STAU1: variants seen among roughly 807,000 people sequenced by gnomAD.
The protein encoded by STAU1 is double-stranded RNA-binding protein Staufen homolog 1.
In STAU1, 13 loss-of-function variants were observed where a neutral mutation model predicts 62.9. That is an observed-to-expected ratio of 0.21 (90% CI 0.13 to 0.33). The LOEUF (loss-of-function observed/expected upper bound fraction) is 0.33. Ranked by LOEUF, STAU1 falls within the 10% of genes least tolerant of loss-of-function variation. The pLI, the probability that STAU1 is intolerant of heterozygous loss-of-function variation, is 1.00. For synonymous variants in STAU1, 269 were observed against 265.1 expected (o/e 1.01, Z -0.14); for missense variants, 571 against 712.1 (o/e 0.80, Z 2.25).
chr20:49,158,282 C>T (rs1381315375), intron 3 of STAU1, among the ~76,000 whole-genome samples: 2 of 151,692 alleles, frequency 1.3e-5, no homozygotes, highest in Non-Finnish European at 2.9e-5. Flanking sequence ...AAAACTCCGT[C>T]TCAAAAAAAG....
chr20:49,163,378 C>T (rs1266949048), intron 3 of STAU1, among the ~76,000 whole-genome samples: 3 of 128,250 alleles, frequency 2.3e-5, no homozygotes, highest in Admixed American at 7.7e-5. Context: ...GCCTTAGTTT[C>T]TTGTCTATAA....
chr20:49,125,508 C>T (rs553849786), intron 6 of STAU1, among the ~76,000 whole-genome samples: 4 of 129,828 alleles, frequency 3.1e-5, no homozygotes, highest in Admixed American at 1.8e-4. Context: ...CCAGCCTAAG[C>T]GATAGAGTAA....
chr20:49,117,719 G>A lies in STAU1; in HGVS notation c.1509+58C>T. 6.6e-7 allele frequency: 1 copy of A among 1,506,012 alleles called. No individual in the cohort carries two copies. The highest frequency in any genetic ancestry group is 1.3e-5 in the South Asian group (1 of 77,164). 93.3% of individuals were successfully genotyped at this position (1,506,012 alleles called of 1,614,324 possible). ...AAAGTTCAAAGTTCATTTTCTGAGA[G>A]AAGCCAAAAGATGACTGTCCTGAGG... On this transcript the variant is annotated intron_variant, in intron 11 of 13. Coordinates refer to ENST00000371856, the MANE Select transcript of STAU1 (RefSeq NM_017453.4). This position sits in a 1 kb window ranked among gnomAD's most constrained non-coding sequence, Gnocchi z 4.6.
rs1037614917 is a variant in STAU1 at position 49,117,974 on chromosome 20, C to T, written c.1312G>A (p.Asp438Asn). The change falls in exon 11 of 14, where the codon GAT becomes AAT. Residue 438 changes from aspartate (D) to asparagine (N), a missense_variant. Physicochemically the swap from Asp to Asn is conservative, Grantham distance 23. Transcript: ENST00000371856. The surrounding 1 kb of genome is among the most constrained non-coding windows in gnomAD (Gnocchi z 4.6). Reference protein sequence around the residue: ...VGVSQGHHTKDFTRAAPNPAK... With the variant: ...VGVSQGHHTKNFTRAAPNPAK... The stretch of plus-strand genomic sequence containing the variant: ...GGATTCGGAGCTGCCCTGGTAAAAT[C>T]TTTGGTGTGATGTCCTTGACTAACT... The T allele has an allele frequency of 6.2e-7, 1 of 1,614,182 alleles. No individual in the cohort carries two copies. The highest frequency in any genetic ancestry group is 8.5e-7 in the Non-Finnish European group (1 of 1,180,020).
chr20:49,118,196 T>C (rs1568816313), intron 10 of STAU1, 100 bp from the exon 11 acceptor site: 1 of 1,399,680 alleles, frequency 7.1e-7, no homozygotes, highest in Non-Finnish European at 1.0e-6. Flanking sequence ...TTGGCACGCA[T>C]GGCAGCGCAG....
chr20:49,116,838 T>G (rs2092338856), intron 12 of STAU1, among the ~76,000 whole-genome samples: 1 of 152,084 alleles, frequency 6.6e-6, no homozygotes, highest in Admixed American at 6.6e-5. Flanking sequence ...ATGAAGTGAG[T>G]GCAGTCTCTG....
At chr20:49,153,086 T>C (rs1276212785) in intron 4 of STAU1, among the ~76,000 whole-genome samples, 1 of 150,892 alleles carries the variant, frequency 6.6e-6, no homozygotes, top group Non-Finnish European at 1.5e-5. Flanking sequence ...CCGTCTCTAC[T>C]AAAAATACAA....
At chr20:49,127,727 A>G (rs1418790500) in intron 6 of STAU1, among the ~76,000 whole-genome samples, 3 of 151,496 alleles carry the variant, frequency 2.0e-5, no homozygotes, top group African/African-American at 7.3e-5. Flanking sequence ...AAACTAAAAA[A>G]GGGGCCAGGC....
chr20:49,137,917 T>C (rs2092925039), intron 5 of STAU1, among the ~76,000 whole-genome samples: 1 of 148,480 alleles, frequency 6.7e-6, no homozygotes, highest in African/African-American at 2.5e-5. Context: ...TGACTTCAGG[T>C]GATCCGCCCA....
Position 49,185,868 on chromosome 20 carries a change from T to C in STAU1, c.-160+2248A>G, listed in dbSNP as rs563188187. 1.9e-4 allele frequency among the ~76,000 whole-genome samples: 29 copies of C among 152,220 alleles called. No homozygotes were observed. The South Asian group carries it at 5.4e-3, about 28-fold the overall frequency. On this transcript the variant is annotated intron_variant, in intron 1 of 13. Coordinates refer to ENST00000371856, the MANE Select transcript of STAU1 (RefSeq NM_017453.4). ...TACTGCTTGTATAGTTGTTTGCTTA[T>C]GTGTTTTTTTTGTTTTGTTTTTTTG...
At chr20:49,207,772 G>A in the STAU1 span, among the ~76,000 whole-genome samples, 5 of 151,984 alleles carry the variant, frequency 3.3e-5, no homozygotes, top group African/African-American at 9.7e-5. Context: ...CACCCATCTC[G>A]GCCTCCCAAA....
At chr20:49,163,301 C>CT (rs533231364) in intron 3 of STAU1, among the ~76,000 whole-genome samples, 12 of 150,630 alleles carry the variant, frequency 8.0e-5, no homozygotes, top group Admixed American at 6.0e-4. Flanking sequence ...TCCCCACTCC[C>CT]TTTTTTTTTC....
Position 49,114,744 on chromosome 20 carries a change from G to T in STAU1, c.*134C>A. On this transcript the variant is annotated 3_prime_UTR_variant, in exon 14 of 14. Coordinates refer to ENST00000371856, the MANE Select transcript of STAU1 (RefSeq NM_017453.4). ...TCCTTGTGTTTCTGTTGTCTTCCCT[G>T]CTGCTGCCCACATCCTTTACCCACC... 1.2e-6 allele frequency: 1 copy of T among 835,596 alleles called. No homozygotes were observed. The highest frequency in any genetic ancestry group is 2.0e-6 in the Non-Finnish European group (1 of 508,672). 51.8% of individuals were successfully genotyped at this position (835,596 alleles called of 1,614,324 possible).
Position 49,184,000 on chromosome 20 carries a change from G to A in STAU1, c.-160+4116C>T, listed in dbSNP as rs148009981. On this transcript the variant is annotated intron_variant, in intron 1 of 13. Coordinates refer to ENST00000371856, the MANE Select transcript of STAU1 (RefSeq NM_017453.4). ...GCTGGAGTGCAATGGCACGATAACC[G>A]CTCACTGCAACCTCTGCTTCCCAGG... is the stretch of plus-strand genomic sequence containing the variant. 2.2e-3 allele frequency among the ~76,000 whole-genome samples: 329 copies of A among 149,378 alleles called. 1 individual carries two copies. Among genetic ancestry groups the A allele is most frequent in the African/African-American group, 7.1e-3 (287 of 40,402 alleles).
rs1353214529 is a variant in STAU1, at chr20:49,188,301, A to T, written c.-345T>A. 2 of 151,898 alleles carry T rather than the reference A, an allele frequency of 1.3e-5. No homozygotes were observed. The highest frequency in any genetic ancestry group is 2.9e-5 in the Non-Finnish European group (2 of 68,018). 9.4% of individuals were successfully genotyped at this position (151,898 alleles called of 1,614,324 possible). A position where few individuals can be genotyped will look rare whatever the true frequency, so the allele number is the denominator to read the frequency against. On this transcript the variant is annotated 5_prime_UTR_variant, in exon 1 of 14. Coordinates refer to ENST00000371856, the MANE Select transcript of STAU1 (RefSeq NM_017453.4). ...GCGGTCAAAGGAAGCGGGAGCCGAG[A>T]GAGACGCGGCAGCCGCCGGCGCAAA...
intron 5 of STAU1, among the ~76,000 whole-genome samples, chr20:49,146,230 C>T (rs904333129): frequency 6.6e-6 from 1 of 152,180 alleles, no homozygotes; most frequent in Non-Finnish European, 1.5e-5. Context: ...CACACCACTA[C>T]ACTCCAGCCT....
At chr20:49,134,332 G>C in intron 6 of STAU1, 1 of 392,680 alleles carries the variant, frequency 2.5e-6, no homozygotes, top group African/African-American at 2.1e-5. Context: ...TCAGGAGGCT[G>C]AGGCAGGAGA....
intron 2 of STAU1, among the ~76,000 whole-genome samples, chr20:49,172,238 C>T (rs141979783): frequency 0.029 from 4,399 of 152,276 alleles, 100 homozygotes; most frequent in Non-Finnish European, 0.044. Flanking sequence ...CCTAGAAAAC[C>T]CATCACACCA....
At chr20:49,131,437 T>G (rs1305131399) in intron 6 of STAU1, among the ~76,000 whole-genome samples, 1 of 152,208 alleles carries the variant, frequency 6.6e-6, no homozygotes, top group African/African-American at 2.4e-5. Context: ...ATGTCCTTGC[T>G]CTTAAGAGAT....
Sources: gnomAD v4.1 joint callset for allele counts (sites outside exome capture counted in the v4.1 genomes callset) on GRCh38, gnomAD v4.1.1 for gene constraint, Gnocchi (gnomAD v3.1) non-coding constraint, MANE v1.5 for transcripts, NCBI Gene and HGNC (gene_info 2026-07-23, HGNC 2026-07-21) for gene names.